RDX: variants seen among roughly 807,000 people sequenced by gnomAD.
RDX encodes the protein radixin, also known as deafness, autosomal recessive 24.
In RDX, 32 loss-of-function variants were observed where a neutral mutation model predicts 83.7. The observed-to-expected ratio is 0.38, with a 90% CI of 0.29 to 0.51. The LOEUF (loss-of-function observed/expected upper bound fraction) is 0.51, where lower values mean the gene tolerates loss of function less well. Among genes scored for constraint, RDX ranks in the 20% least tolerant of loss-of-function variants. RDX has a pLI of 0.87. For missense variants in RDX, 600 were observed against 689.9 expected, an observed-to-expected ratio of 0.87 and a Z score of 1.46; for synonymous variants, 229 against 222.7, an observed-to-expected ratio of 1.03 and a Z score of -0.25.
chr11:110,274,767 T>G (rs942890229), intron 2 of RDX, among the ~76,000 whole-genome samples: 2 of 152,222 alleles, frequency 1.3e-5, no homozygotes, highest in Non-Finnish European at 2.9e-5. Context: ...TAACTGAACT[T>G]TCACTGCTAT....
chr11:110,221,417 G>A (rs1864242462), intron 14 of RDX, among the ~76,000 whole-genome samples: 1 of 152,074 alleles, frequency 6.6e-6, no homozygotes, highest in Admixed American at 6.6e-5. Flanking sequence ...GGCCAACATG[G>A]TGAAACCCCA....
Position 110,265,075 on chromosome 11 carries a change from C to CT in RDX, c.97-202dup, listed in dbSNP as rs59010580. Among the ~76,000 whole-genome samples the CT allele has an allele frequency of 2.0e-3, 221 of 110,486 alleles. 2 individuals are homozygous for CT. Among genetic ancestry groups the CT allele is most frequent in the South Asian group, 7.2e-3 (24 of 3,324 alleles). 72.5% of individuals were successfully genotyped at this position (110,486 alleles called of 152,430 possible). On this transcript the variant is annotated intron_variant, in intron 3 of 13. Coordinates refer to ENST00000645495, the MANE Select transcript of RDX (RefSeq NM_002906.4). The stretch of plus-strand genomic sequence containing the variant: ...TTCAAGTTTTCTATACTCAATTTTT[C>CT]TTTTTTTTTTTTTGAAAAGAAGTTT...
At chr11:110,281,320 A>C (rs1860751288) in intron 1 of RDX, among the ~76,000 whole-genome samples, 1 of 151,268 alleles carries the variant, frequency 6.6e-6, no homozygotes, top group Non-Finnish European at 1.5e-5. Flanking sequence ...TTTCCTCCTG[A>C]GATTTTTTTT....
At chr11:110,252,991 T>C (rs1320398707) in intron 9 of RDX, among the ~76,000 whole-genome samples, 1 of 152,156 alleles carries the variant, frequency 6.6e-6, no homozygotes, top group Non-Finnish European at 1.5e-5. Context: ...CAAACCCATA[T>C]AAAAAATGTT....
intron 5 of RDX, among the ~76,000 whole-genome samples, chr11:110,260,820 A>G (rs956823065): frequency 2.4e-4 from 36 of 152,208 alleles, no homozygotes; most frequent in African/African-American, 2.4e-5. Context: ...ATACTAATAC[A>G]CTATATTATT....
chr11:110,268,981 A>AT (rs915256875), intron 3 of RDX, among the ~76,000 whole-genome samples: 3 of 149,536 alleles, frequency 2.0e-5, no homozygotes, highest in African/African-American at 4.9e-5. Context: ...ATATATATAT[A>AT]TTTTTTTAAT....
At chr11:110,189,262 AAAAAAAG>A (rs1863057143) in intron 15 of RDX, among the ~76,000 whole-genome samples, 1 of 146,012 alleles carries the variant, frequency 6.8e-6, no homozygotes, top group African/African-American at 2.7e-5. Flanking sequence ...AAAAAAAAAA[AAAAAAAG>A]ACAAGGGCAT....
chr11:110,182,637 A>T (rs1352774404), intron 15 of RDX, among the ~76,000 whole-genome samples: 1 of 150,564 alleles, frequency 6.6e-6, no homozygotes, highest in African/African-American at 2.5e-5. Flanking sequence ...ATGAATGAAT[A>T]GGAGAATGGT....
chr11:110,226,562 T>C (rs2134286072), downstream of RDX, among the ~76,000 whole-genome samples: 1 of 152,236 alleles, frequency 6.6e-6, no homozygotes, highest in South Asian at 2.1e-4. Flanking sequence ...TGGTGATGGT[T>C]ACACAACAAT....
At chr11:110,262,153 T>C (rs1248886693) in intron 5 of RDX, among the ~76,000 whole-genome samples, 1 of 152,154 alleles carries the variant, frequency 6.6e-6, no homozygotes, top group African/African-American at 2.4e-5. Flanking sequence ...TAGAATAACA[T>C]TCAAAACCAG....
chr11:110,242,443 TAAAAAAAAAAAAATTA>T (rs1865136939), intron 10 of RDX, among the ~76,000 whole-genome samples: 1 of 115,204 alleles, frequency 8.7e-6, no homozygotes, highest in Admixed American at 8.9e-5. Context: ...TCAAAAAATT[TAAAAAAAAAAAAATTA>T]AAAAAAAAAA....
At chr11:110,212,672 TG>T in intron 14 of RDX, among the ~76,000 whole-genome samples, 1 of 84,572 alleles carries the variant, frequency 1.2e-5, no homozygotes, top group South Asian at 4.3e-4. Flanking sequence ...GATGCAAAGC[TG>T]GTTCAATATA....
At chr11:110,291,514 G>C (rs1465470235) in intron 1 of RDX, among the ~76,000 whole-genome samples, 1 of 152,134 alleles carries the variant, frequency 6.6e-6, no homozygotes, top group African/African-American at 2.4e-5. Flanking sequence ...CTGCTTGGGG[G>C]TTTCTGGAAA....
intron 1 of RDX, among the ~76,000 whole-genome samples, chr11:110,289,070 C>A (rs1861107036): frequency 6.6e-6 from 1 of 151,950 alleles, no homozygotes; most frequent in Non-Finnish European, 1.5e-5. Context: ...AAACCCCCAT[C>A]TCTACCAAAA....
intron 14 of RDX, among the ~76,000 whole-genome samples, chr11:110,202,258 G>A (rs906568674): frequency 2.0e-5 from 3 of 151,888 alleles, no homozygotes; most frequent in Non-Finnish European, 4.4e-5. Flanking sequence ...ACCCGAGCGT[G>A]GTGGCCTGCA....
intron 15 of RDX, among the ~76,000 whole-genome samples, chr11:110,183,927 C>T (rs1348908754): frequency 6.6e-6 from 1 of 152,236 alleles, no homozygotes; most frequent in Admixed American, 6.5e-5. Flanking sequence ...CTAGGCCGTG[C>T]TTTGTGTTGG....
At chr11:110,192,169 A>G (rs994289232) in intron 15 of RDX, among the ~76,000 whole-genome samples, 1 of 152,218 alleles carries the variant, frequency 6.6e-6, no homozygotes, top group Non-Finnish European at 1.5e-5. Context: ...AAACAGCATG[A>G]TATGAGCATA....
chr11:110,273,172 T>C (rs769014301), intron 2 of RDX: 25 of 445,406 alleles, frequency 5.6e-5, no homozygotes, highest in Non-Finnish European at 8.5e-5. Context: ...ATGATTGTAC[T>C]ACTGAACTTC....
At chr11:110,227,143 T>C (rs1052064647), downstream of RDX, among the ~76,000 whole-genome samples, 2 of 151,990 alleles carry the variant, frequency 1.3e-5, no homozygotes, top group Non-Finnish European at 2.9e-5. Context: ...AAAACACGAT[T>C]CGTAAGTCTA....
Sources: allele counts gnomAD v4.1 joint callset (sites outside exome capture counted in the v4.1 genomes callset), GRCh38; gene constraint gnomAD v4.1.1; transcripts MANE v1.5; gene names NCBI Gene and HGNC (gene_info 2026-07-23, HGNC 2026-07-21).